SYK: variants seen among roughly 807,000 people sequenced by gnomAD.
SYK encodes spleen associated tyrosine kinase.
Under a neutral mutation model 77.8 loss-of-function variants are expected in SYK, and 16 were observed. The observed-to-expected ratio is 0.21, with a 90% CI of 0.14 to 0.31. SYK has a LOEUF of 0.31. SYK is among the 10% of genes least tolerant of loss of function. SYK has a pLI of 1.00. For missense variants in SYK, 529 were observed against 814.4 expected (o/e 0.65, Z 4.26); for synonymous variants, 312 against 308.7 (o/e 1.01, Z -0.11).
intron 1 of SYK, among the ~76,000 whole-genome samples, chr9:90,811,639 TG>T (rs1306185856): frequency 2.6e-5 from 4 of 152,110 alleles, no homozygotes; most frequent in African/African-American, 9.7e-5. Context: ...CATGCTGGGT[TG>T]GGTGCAATGA....
chr9:90,888,476 T>TA (rs199586721), intron 12 of SYK, 39 bp from the exon 13 acceptor site: 45,772 of 1,055,002 alleles, frequency 0.043, 24 homozygotes, highest in Non-Finnish European at 0.049. Flanking sequence ...CTAACACCTT[T>TA]AAAAAAAAAA....
intron 7 of SYK, among the ~76,000 whole-genome samples, chr9:90,871,846 T>C (rs752612470): frequency 3.3e-5 from 5 of 152,158 alleles, no homozygotes; most frequent in Non-Finnish European, 7.4e-5. Context: ...AGGCTTATAA[T>C]CACATAGTGG....
chr9:90,815,149 T>C (rs933869396), intron 1 of SYK, among the ~76,000 whole-genome samples: 7 of 151,986 alleles, frequency 4.6e-5, no homozygotes, highest in African/African-American at 1.7e-4. Flanking sequence ...TGAGGTTTTG[T>C]CCATTTTGAA....
In SYK at chr9:90,834,276, A is replaced by G. The variant is rs183894107; in HGVS notation, c.-41-9582A>G. ...CTGCCCGTGCTTTTTCCTTCATCTC[A>G]CCATGACTTATCCTTCCCTCTTCTA... On this transcript the variant is annotated intron_variant, in intron 1 of 13. Coordinates refer to ENST00000375754, the MANE Select transcript of SYK (RefSeq NM_003177.7). 3.2e-4 allele frequency among the ~76,000 whole-genome samples: 48 copies of G among 151,910 alleles called. No homozygotes were observed. In the East Asian group the frequency reaches 8.9e-3, roughly 28 times the overall value.
At chr9:90,860,553 A>G (rs1760125) in intron 3 of SYK, among the ~76,000 whole-genome samples, 115,895 of 151,938 alleles carry the variant, frequency 0.76, 44,956 homozygotes, top group East Asian at 0.95. Context: ...TGGTTTGGGA[A>G]GAAGAGGTTG....
At chr9:90,809,192 G>T (rs569722727) in intron 1 of SYK, among the ~76,000 whole-genome samples, 1 of 152,320 alleles carries the variant, frequency 6.6e-6, no homozygotes, top group East Asian at 1.9e-4. Context: ...TGATCTTGTA[G>T]CTCTGTCATG....
intron 1 of SYK, among the ~76,000 whole-genome samples, chr9:90,834,059 T>A (rs55658296): frequency 0.035 from 5,357 of 152,190 alleles, 327 homozygotes; most frequent in African/African-American, 0.12. Flanking sequence ...ACGTGCAAGG[T>A]GAAGCCTGAC....
chr9:90,858,978 TG>T (rs1827148548), intron 3 of SYK, among the ~76,000 whole-genome samples: 1 of 152,236 alleles, frequency 6.6e-6, no homozygotes, highest in African/African-American at 2.4e-5. Flanking sequence ...GTGAGGCCTT[TG>T]CAGAAACTGC....
At chr9:90,837,378 T>C (rs556596590) in intron 1 of SYK, among the ~76,000 whole-genome samples, 1 of 152,214 alleles carries the variant, frequency 6.6e-6, no homozygotes, top group African/African-American at 2.4e-5. Flanking sequence ...TAGATGCTTT[T>C]GAGAAGTTAA....
chr9:90,878,558 A>G lies in SYK; in HGVS notation c.1392-206A>G, dbSNP rs80033567. On this transcript the variant is annotated intron_variant, in intron 10 of 13. Coordinates refer to ENST00000375754, the MANE Select transcript of SYK (RefSeq NM_003177.7). ...CTTGCAATTCCAAGCATGCCAGGAA[A>G]CTCAATCCCATTGAACACCAGGAGA... Among the ~76,000 whole-genome samples, 1,047 of 152,290 alleles carry G rather than the reference A, an allele frequency of 6.9e-3. 8 individuals are homozygous for G. Among genetic ancestry groups the G allele is most frequent in the Non-Finnish European group, 0.011 (775 of 68,026 alleles).
chr9:90,855,048 C>T (rs1228062742), intron 3 of SYK, among the ~76,000 whole-genome samples: 2 of 105,974 alleles, frequency 1.9e-5, no homozygotes, highest in Non-Finnish European at 4.1e-5. Flanking sequence ...ACTTGAGAAC[C>T]GCGGCTGCAT....
At chr9:90,852,693 G>C (rs1467337855) in intron 3 of SYK, among the ~76,000 whole-genome samples, 1 of 152,106 alleles carries the variant, frequency 6.6e-6, no homozygotes, top group Non-Finnish European at 1.5e-5. Flanking sequence ...GGATGGAGTC[G>C]TCCAACCAGT....
chr9:90,870,268 C>T (rs1827679942), intron 7 of SYK, among the ~76,000 whole-genome samples: 2 of 152,188 alleles, frequency 1.3e-5, no homozygotes. Flanking sequence ...CCTTATCCTT[C>T]TTTTATGGAA....
At chr9:90,812,743 G>GTA (rs1564068006) in intron 1 of SYK, among the ~76,000 whole-genome samples, 7 of 81,814 alleles carry the variant, frequency 8.6e-5, no homozygotes, top group Admixed American at 1.4e-4. Context: ...CATTTGATAT[G>GTA]TGTGTGTGTG....
At chr9:90,891,116 C>T (rs570481783) in intron 13 of SYK, among the ~76,000 whole-genome samples, 3 of 150,254 alleles carry the variant, frequency 2.0e-5, no homozygotes, top group South Asian at 4.3e-4. Flanking sequence ...GATGAGGTCT[C>T]TCCTTGGCCG....
chr9:90,877,477 C>G, intron 9 of SYK, 94 bp from the exon 10 acceptor site: 2 of 1,393,996 alleles, frequency 1.4e-6, no homozygotes, highest in Non-Finnish European at 2.0e-6. Flanking sequence ...TTCCGTGGGA[C>G]TGTTTCCACA....
At chr9:90,859,289 T>C (rs1185946626) in intron 3 of SYK, among the ~76,000 whole-genome samples, 2 of 152,162 alleles carry the variant, frequency 1.3e-5, no homozygotes, top group East Asian at 3.9e-4. Flanking sequence ...CCCTTGCTTT[T>C]TTTGTTATTT....
intron 1 of SYK, among the ~76,000 whole-genome samples, chr9:90,826,018 TC>T (rs1825655409): frequency 2.6e-5 from 4 of 152,164 alleles, no homozygotes. Flanking sequence ...AATTTTCATA[TC>T]CTCCATGTTT....
intron 11 of SYK, among the ~76,000 whole-genome samples, chr9:90,883,555 G>A (rs1329705866): frequency 1.3e-5 from 2 of 152,100 alleles, no homozygotes; most frequent in Non-Finnish European, 2.9e-5. Context: ...TCTGGTGGTA[G>A]GCCTTCAGGG....
Sources: allele counts gnomAD v4.1 joint callset (sites outside exome capture counted in the v4.1 genomes callset), GRCh38; gene constraint gnomAD v4.1.1; transcripts MANE v1.5; gene names NCBI Gene and HGNC (gene_info 2026-07-23, HGNC 2026-07-21).